The following FBH1 variants were observed in gnomAD, a reference collection of about 807,000 sequenced individuals.
The protein encoded by FBH1 is F-box DNA helicase 1.
FBH1 carries 43 observed loss-of-function variants against 115.5 expected under a neutral mutation model. The ratio of observed to expected loss-of-function variants is 0.37; its 90% confidence interval spans 0.29 to 0.48. FBH1 has a LOEUF of 0.48. Ranked by LOEUF, FBH1 falls within the 20% of genes least tolerant of loss-of-function variation. The probability of loss-of-function intolerance (pLI) is 0.99; values close to 1 mark genes in which losing one functional copy is unlikely to be tolerated. For missense variants in FBH1, 1,001 were observed against 1,337.3 expected, an observed-to-expected ratio of 0.75 and a Z score of 3.92; for synonymous variants, 524 against 507.8, an observed-to-expected ratio of 1.03 and a Z score of -0.43.
chr10:5,912,126 GAGGCGGGCAGTTCGCTTGAGGCCA>G (rs1831630768), intron 6 of FBH1, among the ~76,000 whole-genome samples: 1 of 152,030 alleles, frequency 6.6e-6, no homozygotes, highest in Non-Finnish European at 1.5e-5. Context: ...TTTGGGAGGC[GAGGCGGGCAGTTCGCTTGAGGCCA>G]GGAGCTGGAG....
chr10:5,927,024 T>C (rs1428660258), intron 18 of FBH1, among the ~76,000 whole-genome samples: 1 of 152,252 alleles, frequency 6.6e-6, no homozygotes, highest in East Asian at 1.9e-4. Flanking sequence ...ACGAGCAGAC[T>C]CGGTCCTGCT....
In FBH1 at chr10:5,915,377, A is replaced by G. The variant is rs200013125; in HGVS notation, c.1397-26A>G. ...GCATGTCTTGTCTGGTCAGAGGGTCACCTCCTTTCCTCCTGGCTTCCCCAG... is the reference window on the plus strand; with the variant it reads ...GCATGTCTTGTCTGGTCAGAGGGTCGCCTCCTTTCCTCCTGGCTTCCCCAG... On this transcript the variant is annotated intron_variant, in intron 8 of 20. Coordinates refer to ENST00000362091, the MANE Select transcript of FBH1 (RefSeq NM_178150.3). The surrounding 1 kb of genome is among the most constrained non-coding windows in gnomAD (Gnocchi z 5.2). 1 of 1,612,726 alleles carries G rather than the reference A, an allele frequency of 6.2e-7. No individual in the cohort carries two copies.
chr10:5,912,975 G>A (rs114864740), intron 6 of FBH1, among the ~76,000 whole-genome samples: 1,943 of 152,274 alleles, frequency 0.013, 41 homozygotes, highest in African/African-American at 0.044. Flanking sequence ...TGGAGAGGTC[G>A]AGGCTTGGAG....
chr10:5,893,290 A>G (rs1011240400), intron 1 of FBH1, among the ~76,000 whole-genome samples: 1 of 152,238 alleles, frequency 6.6e-6, no homozygotes. Context: ...TGGACCACAG[A>G]CAGAGTGAGA....
chr10:5,926,589 C>T (rs934867673), intron 18 of FBH1, among the ~76,000 whole-genome samples: 63 of 152,168 alleles, frequency 4.1e-4, no homozygotes, highest in African/African-American at 1.4e-3. Flanking sequence ...TAGCACACAT[C>T]GGCATGCTGA....
Position 5,917,699 on chromosome 10 carries a change from A to G in FBH1, c.1963+23A>G, listed in dbSNP as rs1452347227. On this transcript the variant is annotated intron_variant, in intron 12 of 20. Transcript: ENST00000362091. This position sits in a 1 kb window ranked among gnomAD's most constrained non-coding sequence, Gnocchi z 5.6. ...CAGGTGATACACTGTTCAGGACATC[A>G]GTAGTGTCAAATACGTAGAAACAGC... The G allele has an allele frequency of 3.8e-6, 6 of 1,580,070 alleles. No individual in the cohort carries two copies. The highest frequency in any genetic ancestry group is 5.2e-6 in the Non-Finnish European group (6 of 1,150,352).
Position 5,909,456 on chromosome 10 carries a change from A to C in FBH1, c.1020+162A>C. 1.3e-6 allele frequency: 1 copy of C among 776,702 alleles called. No homozygotes were observed. The highest frequency in any genetic ancestry group is 2.0e-6 in the Non-Finnish European group (1 of 509,750). The allele number at this position is 776,702 out of a possible 1,614,324, so 48.1% of individuals were successfully genotyped here. On this transcript the variant is annotated intron_variant, in intron 5 of 20. Coordinates refer to ENST00000362091, the MANE Select transcript of FBH1 (RefSeq NM_178150.3). The surrounding 1 kb of genome is among the most constrained non-coding windows in gnomAD (Gnocchi z 4.4). ...CATGTTGTCATTGTCCCCAGTGGAG[A>C]AATAAAAGGCCATATAATTGTAGAG...
intron 1 of FBH1, among the ~76,000 whole-genome samples, chr10:5,901,435 G>A (rs941193182): frequency 1.3e-5 from 2 of 152,088 alleles, no homozygotes; most frequent in Admixed American, 1.3e-4. Context: ...TGGGATTACA[G>A]GTGTGAGACA....
intron 2 of FBH1, among the ~76,000 whole-genome samples, chr10:5,903,588 C>A (rs1462425395): frequency 1.3e-5 from 2 of 152,114 alleles, no homozygotes; most frequent in African/African-American, 2.4e-5. Context: ...CTCGGCCTCC[C>A]AAACTGCTGG....
rs1648207426 is a variant in FBH1, at chr10:5,936,835, G to T, written c.2961+248G>T. ...GGGTTGTGATACACGCTTAGAGAGA[G>T]AGCTGTTCCCTGGGGTCCCAGCGCA... is the stretch of plus-strand genomic sequence containing the variant. On this transcript the variant is annotated intron_variant, in intron 20 of 20. Coordinates refer to ENST00000362091, the MANE Select transcript of FBH1 (RefSeq NM_178150.3). The surrounding 1 kb of genome is among the most constrained non-coding windows in gnomAD (Gnocchi z 5.6). The T allele has an allele frequency of 5.1e-6, 3 of 587,360 alleles. No individual in the cohort carries two copies. The South Asian group carries it at 7.0e-5, about 14-fold the overall frequency. 36.4% of individuals were successfully genotyped at this position (587,360 alleles called of 1,614,324 possible).
intron 6 of FBH1, among the ~76,000 whole-genome samples, chr10:5,912,061 C>T (rs1037854019): frequency 3.3e-5 from 5 of 151,912 alleles, no homozygotes; most frequent in Non-Finnish European, 4.4e-5. Context: ...TTACAGGCCC[C>T]GATTAGAAGG....
Position 5,936,625 on chromosome 10 carries a change from G to A in FBH1, c.2961+38G>A. 2 of 1,607,428 alleles carry A rather than the reference G, an allele frequency of 1.2e-6. No individual in the cohort carries two copies. Among genetic ancestry groups the A allele is most frequent in the South Asian group, 1.1e-5 (1 of 90,858 alleles). Reference sequence around the variant, plus strand: ...TCTGTGGAACTTAATTCAGCCATTTGCATTTTTTGCTTGTGAGCTCTGTGC... The same window carrying A: ...TCTGTGGAACTTAATTCAGCCATTTACATTTTTTGCTTGTGAGCTCTGTGC... On this transcript the variant is annotated intron_variant, in intron 20 of 20. Transcript: ENST00000362091. The surrounding 1 kb of genome is among the most constrained non-coding windows in gnomAD (Gnocchi z 5.6).
At position 5,936,294 on chromosome 10, in the gene FBH1, GAA is replaced by G. The variant is rs1414037186; in HGVS notation, c.2830-159_2830-158del. 2 of 651,324 alleles carry G rather than the reference GAA, an allele frequency of 3.1e-6. No individual in the cohort carries two copies. Among genetic ancestry groups the G allele is most frequent in the African/African-American group, 3.6e-5 (2 of 55,016 alleles). 40.3% of individuals were successfully genotyped at this position (651,324 alleles called of 1,614,324 possible). ...GACTGTCGATAGCTTTGGAGGCAGG[GAA>G]AAGTTAGAGGAAGTAAGGGAGAACG... On this transcript the variant is annotated intron_variant, in intron 19 of 20. Transcript: ENST00000362091. The surrounding 1 kb of genome is among the most constrained non-coding windows in gnomAD (Gnocchi z 5.6).
Position 5,906,465 on chromosome 10 carries a change from T to C in FBH1, c.586T>C (p.Tyr196His). 6.2e-7 allele frequency: 1 copy of C among 1,614,162 alleles called. No individual in the cohort carries two copies. The highest frequency in any genetic ancestry group is 8.5e-7 in the Non-Finnish European group (1 of 1,180,036). The change falls in exon 3 of 21, where the codon TAC (tyrosine) becomes CAC (histidine). Residue 196 changes from tyrosine (Y) to histidine (H), a missense_variant. By Grantham distance (83) the Tyr-to-His change is moderately conservative. This residue lies in a region of FBH1 where 420 missense variants were observed against 430.4 expected (regional missense o/e 0.98). Coordinates refer to ENST00000362091, the MANE Select transcript of FBH1 (RefSeq NM_178150.3). This position sits in a 1 kb window ranked among gnomAD's most constrained non-coding sequence, Gnocchi z 7.3. ...DVGPDPIPDS[Y>H]YGLLGTLPCQ... is the part of the protein sequence containing the mutation. ...GGGTCCTGATCCCATTCCTGACTCA[T>C]ACTATGGGCTTCTTGGGACCTTGCC...
rs202185822 is a variant in FBH1 at position 5,937,198 on chromosome 10, C to T, written c.3050C>T (p.Pro1017Leu). Residue 1017 changes from proline to leucine, a missense_variant, in exon 21 of 21, where the codon CCG becomes CTG. Transcript: ENST00000362091. ...CCCCTGGCGTTCCTGACAGCCTCCC[C>T]GGAGCAGGTGCGCGCCATGGAGCGC... ...IGPLAFLTAS[P>L]EQVRAMERTV... is the part of the protein sequence containing the mutation. The T allele has an allele frequency of 7.4e-6, 12 of 1,614,038 alleles. No homozygotes were observed. The highest frequency in any genetic ancestry group is 2.7e-5 in the African/African-American group (2 of 75,080).
rs981141627 is a variant in FBH1, at chr10:5,923,201, A to G, written c.2323-420A>G. 1.3e-5 allele frequency among the ~76,000 whole-genome samples: 2 copies of G among 152,220 alleles called. No homozygotes were observed. Among genetic ancestry groups the G allele is most frequent in the Admixed American group, 6.5e-5 (1 of 15,278 alleles). On this transcript the variant is annotated intron_variant, in intron 15 of 20. Coordinates refer to ENST00000362091, the MANE Select transcript of FBH1 (RefSeq NM_178150.3). The surrounding 1 kb of genome is among the most constrained non-coding windows in gnomAD (Gnocchi z 5.7). ...CCTGGCCTGTAGTTCTTTTCTCACA[A>G]GAAACAGTGGTAAATGTGCATACCC... is the stretch of plus-strand genomic sequence containing the variant.
Position 5,895,843 on chromosome 10 carries a change from T to G in FBH1, c.1+5497T>G, listed in dbSNP as rs756865969. Among the ~76,000 whole-genome samples the G allele has an allele frequency of 6.6e-6, 1 of 152,104 alleles. No individual in the cohort carries two copies. Among genetic ancestry groups the G allele is most frequent in the African/African-American group, 2.4e-5 (1 of 41,416 alleles). On this transcript the variant is annotated intron_variant, in intron 1 of 20. Transcript: ENST00000362091. The surrounding 1 kb of genome is among the most constrained non-coding windows in gnomAD (Gnocchi z 5.0). ...GAGGCGTGTGCTGCTGCTGTTCCCA[T>G]TGCATTGGCTGGCACCCAGCGGTAA...
In FBH1 at chr10:5,931,787, G is replaced by T. The variant is rs1401802704; in HGVS notation, c.2829+4246G>T. ...TTTATTCATAATACCTACAGGGGTT[G>T]CTTTGCTTCTTTTTGATTTAATGAT... On this transcript the variant is annotated intron_variant, in intron 19 of 20. Transcript: ENST00000362091. This position sits in a 1 kb window ranked among gnomAD's most constrained non-coding sequence, Gnocchi z 4.3. 6.6e-6 allele frequency among the ~76,000 whole-genome samples: 1 copy of T among 152,162 alleles called. No individual in the cohort carries two copies. Among genetic ancestry groups the T allele is most frequent in the Non-Finnish European group, 1.5e-5 (1 of 68,030 alleles).
At position 5,924,274 on chromosome 10, in the gene FBH1, C is replaced by A; in HGVS notation, c.2399-37C>A. 6.2e-7 allele frequency: 1 copy of A among 1,603,352 alleles called. No homozygotes were observed. The highest frequency in any genetic ancestry group is 8.5e-7 in the Non-Finnish European group (1 of 1,170,816). ...CACCTGCCACCATCTGTTAGTGGAG[C>A]TTGTGTCACCTTAATTTGTGTGTAT... On this transcript the variant is annotated intron_variant, in intron 16 of 20. Transcript: ENST00000362091. The surrounding 1 kb of genome is among the most constrained non-coding windows in gnomAD (Gnocchi z 6.2).
Sources: allele counts gnomAD v4.1 joint callset (sites outside exome capture counted in the v4.1 genomes callset), GRCh38; gene constraint gnomAD v4.1.1; regional missense constraint gnomAD v4.1.1; non-coding constraint Gnocchi (gnomAD v3.1); transcripts MANE v1.5; gene names NCBI Gene and HGNC (gene_info 2026-07-23, HGNC 2026-07-21).